MZT2B: variants seen among roughly 807,000 people sequenced by gnomAD.
The protein encoded by MZT2B is mitotic-spindle organizing protein 2B.
In MZT2B, 11 loss-of-function variants were observed where a neutral mutation model predicts 12.1. That is an observed-to-expected ratio of 0.91 (90% CI 0.57 to 1.50). The LOEUF is 1.50. Among genes scored for constraint, MZT2B ranks in the 40% most tolerant of loss-of-function variants. The pLI, the probability that MZT2B is intolerant of heterozygous loss-of-function variation, is 0.00. For synonymous variants in MZT2B, 85 were observed against 109.5 expected (o/e 0.78, Z 1.40); for missense variants, 209 against 227.7 (o/e 0.92, Z 0.53).
At chr2:130,182,531 T>C in intron 1 of MZT2B, 79 bp downstream of exon 1, 1 of 1,549,478 alleles carries the variant, frequency 6.5e-7, no homozygotes, top group Non-Finnish European at 8.7e-7. Flanking sequence ...GGCCCGCTGG[T>C]CGGGAGGAGC....
At chr2:130,186,202 G>A (rs1477994002) in intron 2 of MZT2B, among the ~76,000 whole-genome samples, 4 of 152,114 alleles carry the variant, frequency 2.6e-5, no homozygotes, top group Admixed American at 2.0e-4. Context: ...CACAGGACTC[G>A]GGTGTGGAGT....
chr2:130,202,541 TC>T, the MZT2B span: 1 of 1,068,914 alleles, frequency 9.4e-7, no homozygotes, highest in South Asian at 1.6e-5. Flanking sequence ...GGACTCCCAC[TC>T]ATGGACTGTC....
the MZT2B span, among the ~76,000 whole-genome samples, chr2:130,201,238 G>A: frequency 1.3e-5 from 2 of 152,232 alleles, no homozygotes; most frequent in East Asian, 3.9e-4. Context: ...GAAAATCAGA[G>A]GAGGCCACTG....
intron 2 of MZT2B, among the ~76,000 whole-genome samples, chr2:130,185,805 T>C (rs905620887): frequency 6.6e-6 from 1 of 151,968 alleles, no homozygotes; most frequent in Non-Finnish European, 1.5e-5. Flanking sequence ...CGAGAGAATT[T>C]ACCCAAGGAC....
chr2:130,201,750 G>A, the MZT2B span, among the ~76,000 whole-genome samples: 2 of 152,170 alleles, frequency 1.3e-5, no homozygotes, highest in Non-Finnish European at 2.9e-5. Flanking sequence ...AGGTAATTTC[G>A]TTGACGTGAG....
downstream of MZT2B, chr2:130,194,968 G>A (rs554213734): frequency 1.2e-4 from 180 of 1,546,440 alleles, 1 homozygote; most frequent in East Asian, 2.2e-3. Context: ...GTGAGCCACC[G>A]CGCCCGGCCA....
chr2:130,196,035 T>C, the MZT2B span: 1 of 1,360,694 alleles, frequency 7.3e-7, no homozygotes, highest in East Asian at 2.5e-5. Context: ...GCCATGGGCA[T>C]ATGCCTGTCT....
downstream of MZT2B, chr2:130,194,025 C>T (rs763570372): frequency 1.2e-5 from 20 of 1,613,962 alleles, no homozygotes; most frequent in East Asian, 2.2e-4. Flanking sequence ...ATGACTGGGG[C>T]GTAGGTGGCC....
At chr2:130,197,367 G>A in the MZT2B span, among the ~76,000 whole-genome samples, 4,561 of 76,174 alleles carry the variant, frequency 0.06, 253 homozygotes, top group East Asian at 0.072. Context: ...CACACCTGTA[G>A]TACCAGCTAC....
downstream of MZT2B, chr2:130,192,044 G>A (rs770563887): frequency 7.4e-6 from 12 of 1,614,028 alleles, no homozygotes; most frequent in South Asian, 1.2e-4. Flanking sequence ...TGGCCGTGGT[G>A]TTGCTCAGCA....
chr2:130,204,077 A>T, the MZT2B span: 4 of 1,142,494 alleles, frequency 3.5e-6, no homozygotes, highest in Non-Finnish European at 4.6e-6. Flanking sequence ...ATTGGCTGTC[A>T]CTTGTAACTC....
chr2:130,188,828 CAG>C (rs1421340076), intron 2 of MZT2B, among the ~76,000 whole-genome samples: 2 of 152,012 alleles, frequency 1.3e-5, no homozygotes, highest in East Asian at 3.9e-4. Flanking sequence ...ATCTCAGACA[CAG>C]GAGTCTCTGC....
In MZT2B at chr2:130,182,267, T is replaced by TCCGCGGG; in HGVS notation, c.-8_-2dup. ...GGCGCGGCGGGGCGGAGCGCACCTTTCCGCGGGCCGCGGGGATGGCGGCGC... is the reference window on the plus strand; with the variant it reads ...GGCGCGGCGGGGCGGAGCGCACCTTTCCGCGGGCCGCGGGCCGCGGGGATGGCGGCGC... On this transcript the variant is annotated 5_prime_UTR_variant, in exon 1 of 3. Coordinates refer to ENST00000281871, the MANE Select transcript of MZT2B (RefSeq NM_025029.5). The TCCGCGGG allele has an allele frequency of 1.5e-6, 2 of 1,295,744 alleles. No individual in the cohort carries two copies. Among genetic ancestry groups the TCCGCGGG allele is most frequent in the Non-Finnish European group, 1.9e-6 (2 of 1,030,594 alleles). 80.3% of individuals were successfully genotyped at this position (1,295,744 alleles called of 1,614,324 possible). A position where few individuals can be genotyped will look rare whatever the true frequency, so the allele number is the denominator to read the frequency against.
chr2:130,197,345 G>A, the MZT2B span, among the ~76,000 whole-genome samples: 3 of 140,936 alleles, frequency 2.1e-5, no homozygotes, highest in Admixed American at 2.3e-4. Context: ...AAATTAGCCA[G>A]GTGTGGTGGC....
At position 130,190,600 on chromosome 2, in the gene MZT2B, A is replaced by G. The variant is rs1428354274; in HGVS notation, c.451A>G (p.Lys151Glu). ...GCTGCCCAAGGGGGGCGGGCCTGGG[A>G]AGAGCCCTACACGGGGCAGCACCTA... ...TRLPKGGGPG[K>E]SPTRGST Residue 151 changes from lysine to glutamate, a missense_variant, in exon 3 of 3, where the codon AAG becomes GAG. Coordinates refer to ENST00000281871, the MANE Select transcript of MZT2B (RefSeq NM_025029.5). The G allele has an allele frequency of 6.2e-7, 1 of 1,612,734 alleles. No individual in the cohort carries two copies. Among genetic ancestry groups the G allele is most frequent in the Admixed American group, 1.7e-5 (1 of 59,982 alleles).
intron 2 of MZT2B, among the ~76,000 whole-genome samples, chr2:130,188,883 A>G (rs190827767): frequency 1.8e-4 from 27 of 151,990 alleles, no homozygotes; most frequent in Non-Finnish European, 3.4e-4. Context: ...GACCTAATGG[A>G]TCTCTAGACA....
intron 2 of MZT2B, chr2:130,184,177 A>G: frequency 1.4e-6 from 2 of 1,448,734 alleles, no homozygotes; most frequent in Non-Finnish European, 1.8e-6. Flanking sequence ...TCGGGCTGGC[A>G]TCTGGGGACA....
At chr2:130,192,446 T>C (rs1363096885), downstream of MZT2B, among the ~76,000 whole-genome samples, 1 of 152,212 alleles carries the variant, frequency 6.6e-6, no homozygotes, top group Non-Finnish European at 1.5e-5. Context: ...GTCTTCTTTG[T>C]AGATTACAAT....
the MZT2B span, chr2:130,204,031 G>T: frequency 2.9e-6 from 1 of 342,064 alleles, no homozygotes; most frequent in Non-Finnish European, 5.8e-6. Flanking sequence ...CCAAGCAGGG[G>T]ATTTCTCCCA....
Sources: allele counts gnomAD v4.1 joint callset (sites outside exome capture counted in the v4.1 genomes callset), GRCh38; gene constraint gnomAD v4.1.1; transcripts MANE v1.5; gene names NCBI Gene and HGNC (gene_info 2026-07-23, HGNC 2026-07-21).